The following UFSP2 variants were observed in gnomAD, a reference collection of about 807,000 sequenced individuals.
UFSP2 encodes the protein ufm1-specific protease 2.
A neutral mutation model predicts 60.2 loss-of-function variants in UFSP2; 43 were observed. The observed-to-expected ratio is 0.71, with a 90% CI of 0.56 to 0.92. The LOEUF (loss-of-function observed/expected upper bound fraction) is 0.92. UFSP2 is among the 40% of genes least tolerant of loss of function. The pLI is 0.00. For missense variants in UFSP2, 520 were observed against 575.0 expected (o/e 0.90, Z 0.98); for synonymous variants, 183 against 195.1 (o/e 0.94, Z 0.52).
At chr4:185,401,639 G>T (rs2095513391) in intron 11 of UFSP2, among the ~76,000 whole-genome samples, 1 of 152,194 alleles carries the variant, frequency 6.6e-6, no homozygotes, top group African/African-American at 2.4e-5. Flanking sequence ...GGCCTCCTGG[G>T]TTCCTGGAGT....
At position 185,415,849 on chromosome 4, in the gene UFSP2, C is replaced by A; in HGVS notation, c.352G>T (p.Asp118Tyr). 6.2e-7 allele frequency: 1 copy of A among 1,613,064 alleles called. No individual in the cohort carries two copies. The highest frequency in any genetic ancestry group is 1.1e-5 in the South Asian group (1 of 90,978). ...GAGGTTGACATTTCCAGCATAAGAT[C>A]TATATTTACTATTTGATGCTATATA... ...LSDMHQIVNI[D>Y]LMLEMSTSLA... Residue 118 changes from aspartate to tyrosine, a missense_variant, in exon 5 of 12, where the codon GAT (aspartate) becomes TAT (tyrosine). Asp to Tyr is a radical substitution (Grantham distance 160, BLOSUM62 -3). Coordinates refer to ENST00000264689, the MANE Select transcript of UFSP2 (RefSeq NM_018359.5).
In UFSP2 at chr4:185,403,496, T is replaced by A; in HGVS notation, c.1321A>T (p.Lys441Ter). 1 of 1,612,416 alleles carries A rather than the reference T, an allele frequency of 6.2e-7. No homozygotes were observed. The highest frequency in any genetic ancestry group is 8.5e-7 in the Non-Finnish European group (1 of 1,179,588). Residue 441 changes from lysine to a stop codon, truncating the protein, a stop_gained and splice_region_variant, in exon 11 of 12, where the codon AAG becomes TAG. Coordinates refer to ENST00000264689, the MANE Select transcript of UFSP2 (RefSeq NM_018359.5). LOFTEE classifies it high-confidence loss of function. ...GAEDLQVILE[K>*]GWCGWKGPDF... ...ATTTGTGTTAAATGGATACTTACCTTTTCCAAAATAACTTGCAGGTCTTCA... is the reference window on the plus strand; with the variant it reads ...ATTTGTGTTAAATGGATACTTACCTATTCCAAAATAACTTGCAGGTCTTCA...
chr4:185,399,961 G>C lies in UFSP2; in HGVS notation c.*431C>G, dbSNP rs905626668. The C allele has an allele frequency of 1.9e-6, 3 of 1,584,180 alleles. No homozygotes were observed. In the East Asian group the frequency reaches 6.8e-5, roughly 36 times the overall value. ...AATGGGACTGCATGGTGGAAGTTTG[G>C]GGATAAAACTCTTTTTAAAAAAAAG... On this transcript the variant is annotated 3_prime_UTR_variant, in exon 12 of 12. Coordinates refer to ENST00000264689, the MANE Select transcript of UFSP2 (RefSeq NM_018359.5).
intron 10 of UFSP2, among the ~76,000 whole-genome samples, chr4:185,404,544 AC>A (rs2095517851): frequency 2.0e-5 from 3 of 151,466 alleles, no homozygotes; most frequent in Admixed American, 2.0e-4. Flanking sequence ...TGATCGACCC[AC>A]CTTGGCCTCC....
chr4:185,415,004 G>C (rs2095535840), intron 6 of UFSP2, 151 bp downstream of exon 6: 4 of 640,446 alleles, frequency 6.2e-6, no homozygotes, highest in Non-Finnish European at 9.9e-6. Flanking sequence ...CATGAGAACA[G>C]AAATTAAATA....
chr4:185,419,621 T>A (rs1328440172), intron 2 of UFSP2, among the ~76,000 whole-genome samples: 1 of 152,246 alleles, frequency 6.6e-6, no homozygotes, highest in African/African-American at 2.4e-5. Flanking sequence ...ATTAACCTAC[T>A]TTTTTCTTTA....
chr4:185,418,811 T>A, intron 2 of UFSP2, 41 bp from the exon 3 acceptor site: 1 of 1,477,804 alleles, frequency 6.8e-7, no homozygotes, highest in Admixed American at 2.2e-5. Flanking sequence ...GAAAAACAAA[T>A]TTTTCAACAT....
chr4:185,400,399 A>C lies in UFSP2; in HGVS notation c.1403T>G (p.Met468Arg). 1 of 1,612,528 alleles carries C rather than the reference A, an allele frequency of 6.2e-7. No individual in the cohort carries two copies. The highest frequency in any genetic ancestry group is 8.5e-7 in the Non-Finnish European group (1 of 1,179,194). ...CTTTGACTCCAAGATATTTTAAATC[A>C]TATTTGGTCGCTGAGGAAGACATAA... ...YNLCLPQRPNMI is the reference protein window; with the variant it reads ...YNLCLPQRPNRI The change falls in exon 12 of 12, where the codon ATG becomes AGG. Residue 468 changes from methionine (M) to arginine (R), a missense_variant. Transcript: ENST00000264689.
intron 7 of UFSP2, among the ~76,000 whole-genome samples, chr4:185,409,352 G>C (rs1443674107): frequency 6.6e-6 from 1 of 152,012 alleles, no homozygotes; most frequent in African/African-American, 2.4e-5. Flanking sequence ...TTAAAGAACT[G>C]GGTTTTTGTT....
chr4:185,419,410 A>G (rs6824374), intron 2 of UFSP2, among the ~76,000 whole-genome samples: 151,220 of 152,298 alleles, frequency 0.99, 75,081 homozygotes, highest in East Asian at 1. Context: ...GATTACAGGC[A>G]TGAGCCACCG....
chr4:185,406,467 C>G (rs902329161), intron 9 of UFSP2, among the ~76,000 whole-genome samples: 2 of 151,992 alleles, frequency 1.3e-5, no homozygotes, highest in African/African-American at 4.8e-5. Flanking sequence ...GGGAAGGTGC[C>G]CGGTGGTGCT....
At chr4:185,423,474 GAATCTCAGACTT>G (rs2095553110) in intron 1 of UFSP2, among the ~76,000 whole-genome samples, 1 of 152,126 alleles carries the variant, frequency 6.6e-6, no homozygotes, top group South Asian at 2.1e-4. Flanking sequence ...TATGCATTTA[GAATCTCAGACTT>G]AGTCTAAGAA....
intron 4 of UFSP2, 77 bp downstream of exon 4, chr4:185,418,364 A>G (rs1286059089): frequency 8.9e-7 from 1 of 1,129,942 alleles, no homozygotes; most frequent in Non-Finnish European, 1.3e-6. Context: ...GGGTTAAATT[A>G]TTTCTAAGAT....
chr4:185,418,892 T>C (rs1255295601), intron 2 of UFSP2, 122 bp from the exon 3 acceptor site: 12 of 753,574 alleles, frequency 1.6e-5, no homozygotes, highest in Non-Finnish European at 2.3e-5. Flanking sequence ...TATTCAATAA[T>C]AATTTCAAAA....
At chr4:185,405,592 T>C (rs1449970102) in intron 10 of UFSP2, among the ~76,000 whole-genome samples, 188 bp downstream of exon 10, 1 of 152,248 alleles carries the variant, frequency 6.6e-6, no homozygotes, top group Non-Finnish European at 1.5e-5. Flanking sequence ...CTGGTTATTA[T>C]AATCTTTTTT....
intron 11 of UFSP2, among the ~76,000 whole-genome samples, chr4:185,401,764 G>A (rs545177728): frequency 5.3e-4 from 80 of 152,324 alleles, no homozygotes; most frequent in African/African-American, 1.8e-3. Flanking sequence ...AACTAGCAAA[G>A]ATGGAGATTG....
intron 2 of UFSP2, 83 bp downstream of exon 2, chr4:185,422,402 C>G (rs1187206938): frequency 1.0e-6 from 1 of 987,630 alleles, no homozygotes; most frequent in East Asian, 2.5e-5. Context: ...ATCTCTCTCT[C>G]AGTTTCATTT....
At chr4:185,422,725 AGC>A (rs2095551683) in intron 1 of UFSP2, among the ~76,000 whole-genome samples, 162 bp from the exon 2 acceptor site, 1 of 152,216 alleles carries the variant, frequency 6.6e-6, no homozygotes, top group Non-Finnish European at 1.5e-5. Context: ...CAAAAACAAA[AGC>A]AACCCCAAAA....
chr4:185,422,924 T>C (rs1460248608), intron 1 of UFSP2, among the ~76,000 whole-genome samples: 1 of 152,120 alleles, frequency 6.6e-6, no homozygotes, highest in African/African-American at 2.4e-5. Context: ...AGTGGCACAA[T>C]CTCAGCTCAC....
Sources: allele counts gnomAD v4.1 joint callset (sites outside exome capture counted in the v4.1 genomes callset), GRCh38; gene constraint gnomAD v4.1.1; transcripts MANE v1.5; gene names NCBI Gene and HGNC (gene_info 2026-07-23, HGNC 2026-07-21).